STAT2: variants seen among roughly 807,000 people sequenced by gnomAD.
STAT2 encodes signal transducer and activator of transcription 2, also known as interferon alpha induced transcriptional activator.
In STAT2, 51 loss-of-function variants were observed where a neutral mutation model predicts 122.3. The ratio of observed to expected loss-of-function variants is 0.42; its 90% CI spans 0.33 to 0.53. STAT2 has a LOEUF of 0.53. STAT2 is among the 20% of genes least tolerant of loss of function. The pLI is 0.10. For missense variants in STAT2, 736 were observed against 1,010.3 expected, an observed-to-expected ratio of 0.73 and a Z score of 3.68; for synonymous variants, 351 against 394.9, an observed-to-expected ratio of 0.89 and a Z score of 1.32.
In STAT2 at chr12:56,345,524, A is replaced by AATATATATATATATATATAT. The variant is rs1555169411; in HGVS notation, c.2102+621_2102+622insATATATATATATATATATAT. On this transcript the variant is annotated intron_variant, in intron 22 of 23. Coordinates refer to ENST00000314128, the MANE Select transcript of STAT2 (RefSeq NM_005419.4). ...AAAAAAAAAAAAAAAAAAAAAAAAA[A>AATATATATATATATATATAT]ATATATATATATGCGGGGTGTGGTG... Among the ~76,000 whole-genome samples the AATATATATATATATATATAT allele has an allele frequency of 3.9e-3, 101 of 26,222 alleles. 13 individuals are homozygous for AATATATATATATATATATAT. The highest frequency in any genetic ancestry group is 0.038 in the African/African-American group (71 of 1,864). 17.2% of individuals were successfully genotyped at this position (26,222 alleles called of 152,430 possible). A position where few individuals can be genotyped will look rare whatever the true frequency, so the allele number is the denominator to read the frequency against.
At position 56,345,766 on chromosome 12, in the gene STAT2, C is replaced by T. The variant is rs1270178584; in HGVS notation, c.2102+380G>A. On this transcript the variant is annotated intron_variant, in intron 22 of 23. Coordinates refer to ENST00000314128, the MANE Select transcript of STAT2 (RefSeq NM_005419.4). ...TCACACCACTGCACTCCAGCCTGGG[C>T]GACAGAACAAAACCCTGTCTGGAAA... Among the ~76,000 whole-genome samples the T allele has an allele frequency of 4.7e-5, 7 of 149,696 alleles. No individual in the cohort carries two copies. The East Asian group carries it at 9.8e-4, about 21-fold the overall frequency.
At chr12:56,345,524 A>ATATATATATATATATATATATAT (rs1253052692) in intron 22 of STAT2, among the ~76,000 whole-genome samples, 1 of 26,246 alleles carries the variant, frequency 3.8e-5, no homozygotes. Context: ...AAAAAAAAAA[A>ATATATATATATATATATATATAT]ATATATATAT....
chr12:56,353,137 C>A (rs190906597), intron 8 of STAT2, among the ~76,000 whole-genome samples: 479 of 152,268 alleles, frequency 3.1e-3, no homozygotes, highest in Non-Finnish European at 4.5e-3. Flanking sequence ...GCATGCGCCA[C>A]CACACCTGGC....
In STAT2 at chr12:56,349,418, T is replaced by G. The variant is rs1335365429; in HGVS notation, c.1341+8A>C. The G allele has an allele frequency of 6.2e-7, 1 of 1,614,208 alleles. No individual in the cohort carries two copies. The highest frequency in any genetic ancestry group is 1.7e-5 in the Admixed American group (1 of 60,030). ...CTTTCTCTCTCCTTGCCCTCCATTT[T>G]CACTCACTTTCAGCTCCTGCTTCAG... On this transcript the variant is annotated splice_region_variant and intron_variant, in intron 15 of 23. Transcript: ENST00000314128.
intron 22 of STAT2, among the ~76,000 whole-genome samples, chr12:56,345,524 A>AAAATAT (rs1555169410): frequency 1.9e-4 from 5 of 26,246 alleles, no homozygotes; most frequent in Non-Finnish European, 2.7e-4. Context: ...AAAAAAAAAA[A>AAAATAT]ATATATATAT....
At chr12:56,357,463 C>A (rs1879689213) in intron 1 of STAT2, among the ~76,000 whole-genome samples, 1 of 151,522 alleles carries the variant, frequency 6.6e-6, no homozygotes. Context: ...GCCTCAGCCT[C>A]CCGAGTAGCT....
At chr12:56,353,888 C>A (rs1366288020) in intron 8 of STAT2, among the ~76,000 whole-genome samples, 1 of 146,172 alleles carries the variant, frequency 6.8e-6, no homozygotes, top group Non-Finnish European at 1.5e-5. Context: ...CCCAGCAACT[C>A]GGGAGGCTGA....
chr12:56,348,671 T>C (rs1351184698), intron 18 of STAT2, 48 bp from the exon 19 acceptor site: 1 of 1,613,636 alleles, frequency 6.2e-7, no homozygotes, highest in Non-Finnish European at 8.5e-7. Context: ...TTGCCTCTGG[T>C]GTAGGGAAGG....
chr12:56,358,670 C>T (rs1180584462), intron 1 of STAT2, among the ~76,000 whole-genome samples: 1 of 152,166 alleles, frequency 6.6e-6, no homozygotes, highest in Non-Finnish European at 1.5e-5. Flanking sequence ...CAATGGGTGG[C>T]TCAATCCCAA....
chr12:56,349,917 TG>T, intron 13 of STAT2, 179 bp downstream of exon 13: 2 of 659,396 alleles, frequency 3.0e-6, no homozygotes, highest in South Asian at 3.7e-5. Flanking sequence ...GGCATGGTGG[TG>T]TGTGCCTATA....
At position 56,346,619 on chromosome 12, in the gene STAT2, C is replaced by T; in HGVS notation, c.1867G>A (p.Val623Met). The change falls in exon 21 of 24, where the codon GTG becomes ATG. Residue 623 changes from valine (V) to methionine (M), a missense_variant. Coordinates refer to ENST00000314128, the MANE Select transcript of STAT2 (RefSeq NM_005419.4). Reference protein sequence around the residue: ...SWVEHQDDDKVLIYSVQPYTK... With the variant: ...SWVEHQDDDKMLIYSVQPYTK... Reference sequence around the variant, plus strand: ...TACGGTTGCACAGAGTAGATGAGCACCTTGTCTGGAGAGTGAATGCAGGAA... The same window carrying T: ...TACGGTTGCACAGAGTAGATGAGCATCTTGTCTGGAGAGTGAATGCAGGAA... The T allele has an allele frequency of 3.1e-6, 5 of 1,614,080 alleles. No homozygotes were observed. Among genetic ancestry groups the T allele is most frequent in the South Asian group, 1.1e-5 (1 of 91,068 alleles).
chr12:56,343,853 C>G lies in STAT2; in HGVS notation c.2385G>C (p.Leu795=), dbSNP rs1453836398. ...PVPEPDLPCD[L]RHLNTEPMEI... ...CCATTGGCTCAGTGTTCAAATGTCT[C>G]AGATCACAGGGCAAATCTGGCTCTG... Residue 795 remains leucine, a synonymous_variant, in exon 23 of 24, where the codon CTG becomes CTC. Transcript: ENST00000314128. The G allele has an allele frequency of 6.2e-7, 1 of 1,614,228 alleles. No individual in the cohort carries two copies. The highest frequency in any genetic ancestry group is 8.5e-7 in the Non-Finnish European group (1 of 1,180,040).
rs755899311 is a variant in STAT2, at chr12:56,348,886, A to C, written c.1576+38T>G. On this transcript the variant is annotated intron_variant, in intron 17 of 23. Transcript: ENST00000314128. ...ATAGGACAGAGGGACAGAAAAGACTAAGGCTGGGGAAAGGCTGAGAGAAAA... is the reference window on the plus strand; with the variant it reads ...ATAGGACAGAGGGACAGAAAAGACTCAGGCTGGGGAAAGGCTGAGAGAAAA... 3 of 1,613,582 alleles carry C rather than the reference A, an allele frequency of 1.9e-6. No homozygotes were observed. The Admixed American group carries it at 5.0e-5, about 27-fold the overall frequency.
rs778099021 is a variant in STAT2, at chr12:56,355,502, C to A, written c.412G>T (p.Val138Leu). The A allele has an allele frequency of 6.2e-7, 1 of 1,614,202 alleles. No individual in the cohort carries two copies. The highest frequency in any genetic ancestry group is 1.1e-5 in the South Asian group (1 of 91,080). Reference sequence around the variant, plus strand: ...TCAATCTCATGTTGCTGGCTCTCCACAGGTGTTTCGAGAACTGGCTCTCCT... The same window carrying A: ...TCAATCTCATGTTGCTGGCTCTCCAAAGGTGTTTCGAGAACTGGCTCTCCT... The part of the protein sequence containing the change: ...EQGEPVLETP[V>L]ESQQHEIESR... The change falls in exon 5 of 24, where the codon GTG (valine) becomes TTG (leucine). Residue 138 changes from valine to leucine, a missense_variant. Transcript: ENST00000314128.
chr12:56,345,590 G>C (rs1421725581), intron 22 of STAT2, among the ~76,000 whole-genome samples: 25 of 120,266 alleles, frequency 2.1e-4, no homozygotes, highest in South Asian at 8.2e-4. Flanking sequence ...GGCCAAGGTG[G>C]GTGGATTGCT....
At chr12:56,352,774 C>T (rs75598973) in intron 8 of STAT2, among the ~76,000 whole-genome samples, 6,923 of 151,770 alleles carry the variant, frequency 0.046, 222 homozygotes, top group Non-Finnish European at 0.068. Context: ...TGGACTCAAG[C>T]ACTCTTTCTG....
In STAT2 at chr12:56,343,362, A is replaced by C; in HGVS notation, c.*27T>G. 1 of 1,605,034 alleles carries C rather than the reference A, an allele frequency of 6.2e-7. No homozygotes were observed. The highest frequency in any genetic ancestry group is 1.1e-5 in the South Asian group (1 of 90,598). On this transcript the variant is annotated 3_prime_UTR_variant, in exon 24 of 24. Coordinates refer to ENST00000314128, the MANE Select transcript of STAT2 (RefSeq NM_005419.4). ...ATGAGGAGTAGGAAGGGCAAGAGAT[A>C]TGAAAAGAACAGAGGAAATGTGGTT...
In STAT2 at chr12:56,348,517, C is replaced by T. The variant is rs1309006957; in HGVS notation, c.1724+12G>A. 1 of 1,613,906 alleles carries T rather than the reference C, an allele frequency of 6.2e-7. No individual in the cohort carries two copies. The highest frequency in any genetic ancestry group is 8.5e-7 in the Non-Finnish European group (1 of 1,179,816). On this transcript the variant is annotated intron_variant, in intron 19 of 23. Coordinates refer to ENST00000314128, the MANE Select transcript of STAT2 (RefSeq NM_005419.4). Reference sequence around the variant, plus strand: ...GCACAAGCCCATGAGGGAAGGGTGACCAAGGCCTTACCCATCATTCCAGAG... The same window carrying T: ...GCACAAGCCCATGAGGGAAGGGTGATCAAGGCCTTACCCATCATTCCAGAG...
Position 56,355,334 on chromosome 12 carries a change from G to A in STAT2, c.489C>T (p.Ile163=), listed in dbSNP as rs751221198. The change falls in exon 6 of 24, where the codon ATC becomes ATT. Residue 163 remains isoleucine, a synonymous_variant. Transcript: ENST00000314128. Reference sequence around the variant, plus strand: ...CATCCTGCTGGTCTTTCAGTTGGCTGATGGATTTTACCAGCTTCTGCAGAG... The same window carrying A: ...CATCCTGCTGGTCTTTCAGTTGGCTAATGGATTTTACCAGCTTCTGCAGAG... The part of the protein sequence containing the change: ...RAMMEKLVKS[I]SQLKDQQDVF... 5.6e-6 allele frequency: 9 copies of A among 1,614,190 alleles called. No homozygotes were observed. In the East Asian group the frequency reaches 2.0e-4, roughly 36 times the overall value.
Sources: gnomAD v4.1 joint callset for allele counts (sites outside exome capture counted in the v4.1 genomes callset) on GRCh38, gnomAD v4.1.1 for gene constraint, MANE v1.5 for transcripts, NCBI Gene and HGNC (gene_info 2026-07-23, HGNC 2026-07-21) for gene names.